Variants in NLGN1 observed in about 807,000 individuals in gnomAD.
NLGN1 encodes neuroligin-1.
Under a neutral mutation model 65.5 loss-of-function variants are expected in NLGN1, and 12 were observed. The ratio of observed to expected loss-of-function variants is 0.18; its 90% CI spans 0.12 to 0.30. NLGN1 has a LOEUF of 0.30. Among genes scored for constraint, NLGN1 ranks in the 10% least tolerant of loss-of-function variants. The probability of loss-of-function intolerance (pLI) is 1.00; values close to 1 mark genes in which losing one functional copy is unlikely to be tolerated. For missense variants in NLGN1, 750 were observed against 1,007.1 expected (o/e 0.74, Z 3.46); for synonymous variants, 350 against 359.5 (o/e 0.97, Z 0.30).
intron 4 of NLGN1, among the ~76,000 whole-genome samples, chr3:174,099,767 A>G (rs1468827559): frequency 6.6e-6 from 1 of 152,198 alleles, no homozygotes; most frequent in African/African-American, 2.4e-5. Flanking sequence ...AGTAATAAAA[A>G]TAGGCCCTCT....
At chr3:173,959,105 C>T (rs1712893549) in intron 4 of NLGN1, among the ~76,000 whole-genome samples, 1 of 152,238 alleles carries the variant, frequency 6.6e-6, no homozygotes, top group Non-Finnish European at 1.5e-5. Flanking sequence ...GCAGCTGTGG[C>T]TTGGGTGGCT....
At chr3:174,126,511 A>T (rs1577008540) in intron 4 of NLGN1, among the ~76,000 whole-genome samples, 1 of 152,260 alleles carries the variant, frequency 6.6e-6, no homozygotes, top group Non-Finnish European at 1.5e-5. Flanking sequence ...GTAAGATTAA[A>T]TATTTATGTA....
At chr3:174,094,018 A>G (rs930533982) in intron 4 of NLGN1, among the ~76,000 whole-genome samples, 1 of 152,120 alleles carries the variant, frequency 6.6e-6, no homozygotes, top group Non-Finnish European at 1.5e-5. Flanking sequence ...TTTCTTTATT[A>G]TATAAATCTA....
At chr3:173,684,234 T>C (rs980612207) in intron 3 of NLGN1, among the ~76,000 whole-genome samples, 1 of 152,182 alleles carries the variant, frequency 6.6e-6, no homozygotes, top group African/African-American at 2.4e-5. Flanking sequence ...ACCCTTTTTT[T>C]AAATTCTAGT....
chr3:174,073,401 G>A lies in NLGN1; in HGVS notation c.647-201914G>A, dbSNP rs1368005123. ...AGAATTTTGGCGGGGGGGCACTTTA[G>A]CATATGTAAATAGTTTCAGTATGAA... is the stretch of plus-strand genomic sequence containing the variant. On this transcript the variant is annotated intron_variant, in intron 4 of 6. Transcript: ENST00000457714. 3.9e-5 allele frequency among the ~76,000 whole-genome samples: 6 copies of A among 152,108 alleles called. No individual in the cohort carries two copies. In the East Asian group the frequency reaches 7.7e-4, roughly 20 times the overall value.
intron 3 of NLGN1, among the ~76,000 whole-genome samples, chr3:173,666,272 G>C (rs537856572): frequency 1.3e-5 from 2 of 152,016 alleles, no homozygotes; most frequent in African/African-American, 4.8e-5. Flanking sequence ...CATTGATGTA[G>C]ATAAATATAA....
At chr3:174,022,320 C>T (rs1188932384) in intron 4 of NLGN1, among the ~76,000 whole-genome samples, 1 of 152,122 alleles carries the variant, frequency 6.6e-6, no homozygotes, top group African/African-American at 2.4e-5. Flanking sequence ...GTGACATAAA[C>T]ACTCCAGAAA....
intron 3 of NLGN1, among the ~76,000 whole-genome samples, chr3:173,736,850 G>C (rs553450486): frequency 9.6e-4 from 146 of 151,916 alleles, no homozygotes; most frequent in Non-Finnish European, 1.8e-3. Flanking sequence ...GATCATTATT[G>C]ATAAATTAAA....
At chr3:173,509,136 G>C (rs1732514443) in intron 2 of NLGN1, among the ~76,000 whole-genome samples, 1 of 152,016 alleles carries the variant, frequency 6.6e-6, no homozygotes, top group African/African-American at 2.4e-5. Context: ...GTATCTTATT[G>C]TTATAAAGTC....
chr3:173,972,841 A>G (rs1295240779), intron 4 of NLGN1, among the ~76,000 whole-genome samples: 1 of 152,086 alleles, frequency 6.6e-6, no homozygotes, highest in Non-Finnish European at 1.5e-5. Flanking sequence ...TTATACATCC[A>G]ACTCCTTAAG....
At chr3:173,414,006 C>T (rs1298666409) in intron 1 of NLGN1, among the ~76,000 whole-genome samples, 1 of 152,180 alleles carries the variant, frequency 6.6e-6, no homozygotes, top group South Asian at 2.1e-4. Context: ...CATGAGTCCA[C>T]TGTGCACACA....
chr3:173,763,768 C>A (rs1307665162), intron 3 of NLGN1, among the ~76,000 whole-genome samples: 3 of 150,632 alleles, frequency 2.0e-5, no homozygotes, highest in Non-Finnish European at 4.4e-5. Context: ...AAAATGGAAG[C>A]AAGAGGGATA....
intron 4 of NLGN1, among the ~76,000 whole-genome samples, chr3:174,030,360 G>A (rs541262355): frequency 1.8e-4 from 27 of 152,084 alleles, no homozygotes; most frequent in East Asian, 7.8e-4. Flanking sequence ...TCCTGACCTC[G>A]TGATCCTCCC....
At chr3:174,172,120 T>A (rs879104920) in intron 4 of NLGN1, among the ~76,000 whole-genome samples, 6 of 152,052 alleles carry the variant, frequency 3.9e-5, no homozygotes, top group Non-Finnish European at 7.4e-5. Flanking sequence ...TAAATTTTTT[T>A]AATTTGTATG....
At chr3:173,858,132 C>T (rs1728352327) in intron 4 of NLGN1, among the ~76,000 whole-genome samples, 1 of 152,100 alleles carries the variant, frequency 6.6e-6, no homozygotes, top group Non-Finnish European at 1.5e-5. Flanking sequence ...ATTTCAAGAA[C>T]CTTATTTTGC....
At chr3:173,784,594 G>A (rs2150336888) in intron 3 of NLGN1, among the ~76,000 whole-genome samples, 1 of 152,110 alleles carries the variant, frequency 6.6e-6, no homozygotes, top group South Asian at 2.1e-4. Context: ...GAGAAAGACA[G>A]AGAAATAGAG....
At chr3:173,781,527 G>T (rs1305747208) in intron 3 of NLGN1, among the ~76,000 whole-genome samples, 2 of 152,024 alleles carry the variant, frequency 1.3e-5, no homozygotes, top group East Asian at 3.9e-4. Context: ...ACCCATTTTT[G>T]ACTTAATGGA....
At chr3:173,466,345 C>T (rs1381347486) in intron 2 of NLGN1, among the ~76,000 whole-genome samples, 2 of 151,998 alleles carry the variant, frequency 1.3e-5, no homozygotes, top group Non-Finnish European at 2.9e-5. Flanking sequence ...GGTAATCTGG[C>T]TTACTGGGAA....
At chr3:173,857,284 A>C (rs1728172184) in intron 4 of NLGN1, among the ~76,000 whole-genome samples, 1 of 152,108 alleles carries the variant, frequency 6.6e-6, no homozygotes, top group African/African-American at 2.4e-5. Flanking sequence ...GACCCCTGAC[A>C]TGCTGGGACT....
Sources: allele counts gnomAD v4.1 joint callset (sites outside exome capture counted in the v4.1 genomes callset), GRCh38; gene constraint gnomAD v4.1.1; transcripts MANE v1.5; gene names NCBI Gene and HGNC (gene_info 2026-07-23, HGNC 2026-07-21).